The following HIGD1C variants were observed in gnomAD, a reference collection of about 807,000 sequenced individuals.
HIGD1C encodes the protein HIG1 domain family member 1C.
In HIGD1C, 11 loss-of-function variants were observed where a neutral mutation model predicts 13.1. The observed-to-expected ratio is 0.84, with a 90% CI of 0.53 to 1.39. HIGD1C has a LOEUF of 1.39. HIGD1C is among the 40% of genes most tolerant of loss of function. The pLI, the probability that HIGD1C is intolerant of heterozygous loss-of-function variation, is 0.00. For missense variants in HIGD1C, 110 were observed against 112.0 expected (o/e 0.98, Z 0.08); for synonymous variants, 36 against 37.7 (o/e 0.95, Z 0.17).
the HIGD1C span, chr12:50,935,449 T>C: frequency 8.5e-5 from 13 of 152,276 alleles, no homozygotes; most frequent in East Asian, 2.1e-3. Context: ...TGGTAACATA[T>C]ATGTGAACTA....
upstream of HIGD1C, among the ~76,000 whole-genome samples, chr12:50,951,784 T>C (rs1157052849): frequency 6.6e-6 from 1 of 151,768 alleles, no homozygotes; most frequent in East Asian, 1.9e-4. Flanking sequence ...TAGCCGGGCG[T>C]GGTGTGGCGC....
At chr12:50,938,618 T>A in the HIGD1C span, among the ~76,000 whole-genome samples, 1 of 152,194 alleles carries the variant, frequency 6.6e-6, no homozygotes, top group Admixed American at 6.5e-5. Context: ...GTAGCTGGCA[T>A]CCTTGTAGCA....
chr12:50,949,815 G>A (rs1435443807), upstream of HIGD1C, among the ~76,000 whole-genome samples: 1 of 152,086 alleles, frequency 6.6e-6, no homozygotes, highest in African/African-American at 2.4e-5. Context: ...ATTAAGGCGT[G>A]AGCAGTGAGA....
intron 2 of HIGD1C, among the ~76,000 whole-genome samples, chr12:50,968,668 A>G (rs1356641346): frequency 1.3e-5 from 2 of 151,946 alleles, no homozygotes; most frequent in African/African-American, 4.8e-5. Context: ...TTGCCTCCTG[A>G]GTAGCTGGGA....
chr12:50,959,223 G>A (rs531085267), intron 1 of HIGD1C, among the ~76,000 whole-genome samples: 12 of 151,724 alleles, frequency 7.9e-5, no homozygotes, highest in Admixed American at 5.2e-4. Flanking sequence ...GGGTTCAAGC[G>A]ATTCTCCTGC....
At chr12:50,949,746 C>T (rs533199466), upstream of HIGD1C, among the ~76,000 whole-genome samples, 24 of 152,062 alleles carry the variant, frequency 1.6e-4, no homozygotes, top group South Asian at 5.0e-3. Context: ...GTTGATCAGG[C>T]TGGTCTCAAA....
chr12:50,950,048 CAG>C (rs372199052), upstream of HIGD1C, among the ~76,000 whole-genome samples: 320 of 152,328 alleles, frequency 2.1e-3, 1 homozygote, highest in African/African-American at 7.2e-3. Flanking sequence ...TGTATTTACT[CAG>C]AGTTAGCCCA....
At chr12:50,951,883 T>A (rs190744390), upstream of HIGD1C, among the ~76,000 whole-genome samples, 10 of 136,896 alleles carry the variant, frequency 7.3e-5, no homozygotes, top group Admixed American at 3.2e-4. Flanking sequence ...GATTGCGCCA[T>A]CACACTCCAG....
At chr12:50,956,356 C>T (rs1252412730) in intron 1 of HIGD1C, among the ~76,000 whole-genome samples, 1 of 152,086 alleles carries the variant, frequency 6.6e-6, no homozygotes, top group Admixed American at 6.5e-5. Context: ...TGCGCCACTG[C>T]ACTCCAGCCT....
intron 2 of HIGD1C, among the ~76,000 whole-genome samples, chr12:50,962,317 A>G (rs534222620): frequency 3.9e-5 from 6 of 152,128 alleles, no homozygotes; most frequent in African/African-American, 1.4e-4. Flanking sequence ...AGGCTGAGGC[A>G]GGAGAATCGC....
At chr12:50,941,939 A>T in the HIGD1C span, among the ~76,000 whole-genome samples, 1 of 152,196 alleles carries the variant, frequency 6.6e-6, no homozygotes, top group Non-Finnish European at 1.5e-5. Context: ...CTCAGACTGG[A>T]GTGCAGTGGT....
chr12:50,947,234 C>T, the HIGD1C span, among the ~76,000 whole-genome samples: 1 of 152,184 alleles, frequency 6.6e-6, no homozygotes, highest in Non-Finnish European at 1.5e-5. Flanking sequence ...CCTACTGCTG[C>T]TCTAATGTAT....
At chr12:50,971,122 C>T (rs1376574686), downstream of HIGD1C, among the ~76,000 whole-genome samples, 2 of 152,172 alleles carry the variant, frequency 1.3e-5, no homozygotes, top group African/African-American at 4.8e-5. Flanking sequence ...TCAGGTGATT[C>T]ACCCACATTG....
At chr12:50,945,372 C>A in the HIGD1C span, among the ~76,000 whole-genome samples, 22 of 152,146 alleles carry the variant, frequency 1.4e-4, no homozygotes, top group Admixed American at 1.4e-3. Context: ...AGCTGATAAG[C>A]AACTTCAGCA....
intron 2 of HIGD1C, 69 bp from the exon 5 acceptor site, chr12:50,970,373 A>C (rs1054977512): frequency 1.1e-5 from 9 of 819,488 alleles, no homozygotes; most frequent in Non-Finnish European, 1.8e-5. Flanking sequence ...ATAAAAATAC[A>C]ACAAGTGGAA....
At chr12:50,948,867 GGGGGA>G in the HIGD1C span, among the ~76,000 whole-genome samples, 2 of 27,322 alleles carry the variant, frequency 7.3e-5, no homozygotes, top group African/African-American at 2.1e-4. Flanking sequence ...CGAGGAGGAG[GGGGGA>G]GGGGAGGGGG....
chr12:50,946,314 T>C, the HIGD1C span, among the ~76,000 whole-genome samples: 1 of 151,990 alleles, frequency 6.6e-6, no homozygotes, highest in Non-Finnish European at 1.5e-5. Context: ...TGGGAGAAAA[T>C]TTTTGCAATC....
chr12:50,931,953 T>C, the HIGD1C span: 12 of 152,200 alleles, frequency 7.9e-5, no homozygotes, highest in African/African-American at 2.9e-4. Context: ...ACATACAAGG[T>C]TGCCACACCT....
intron 2 of HIGD1C, among the ~76,000 whole-genome samples, chr12:50,962,087 C>T (rs553964049): frequency 3.3e-4 from 50 of 152,260 alleles, no homozygotes; most frequent in African/African-American, 1.2e-3. Context: ...GATGCCGTGA[C>T]AGAAATAGCA....
Sources: allele counts gnomAD v4.1 joint callset (sites outside exome capture counted in the v4.1 genomes callset), GRCh38; gene constraint gnomAD v4.1.1; transcripts MANE v1.5; gene names NCBI Gene and HGNC (gene_info 2026-07-23, HGNC 2026-07-21).